LINGO2: variants seen among roughly 807,000 people sequenced by gnomAD.
LINGO2 encodes leucine-rich repeat and immunoglobulin-like domain-containing nogo receptor-interacting protein 2.
In LINGO2, 14 loss-of-function variants were observed where a neutral mutation model predicts 30.6. That is an observed-to-expected ratio of 0.46 (90% CI 0.30 to 0.72). LINGO2 has a LOEUF of 0.72. Among genes scored for constraint, LINGO2 ranks in the 30% least tolerant of loss-of-function variants. The pLI is 0.07. For missense variants in LINGO2, 729 were observed against 751.7 expected (o/e 0.97, Z 0.35); for synonymous variants, 317 against 288.5 (o/e 1.10, Z -1.00).
At chr9:28,108,565 C>G (rs1826668272) in intron 4 of LINGO2, among the ~76,000 whole-genome samples, 1 of 152,020 alleles carries the variant, frequency 6.6e-6, no homozygotes, top group South Asian at 2.1e-4. Context: ...AAAATATATT[C>G]TCAGGAGTGT....
chr9:28,386,756 C>T (rs1465893330), intron 2 of LINGO2, among the ~76,000 whole-genome samples: 1 of 151,940 alleles, frequency 6.6e-6, no homozygotes, highest in Non-Finnish European at 1.5e-5. Flanking sequence ...GTAGAGATTT[C>T]TTAGAATAAG....
chr9:28,044,976 C>T (rs1824351104), intron 4 of LINGO2, among the ~76,000 whole-genome samples: 1 of 152,010 alleles, frequency 6.6e-6, no homozygotes, highest in African/African-American at 2.4e-5. Flanking sequence ...AACAGTTTTC[C>T]TGACTCCCAT....
At chr9:28,840,793 C>T in the LINGO2 span, among the ~76,000 whole-genome samples, 1 of 151,828 alleles carries the variant, frequency 6.6e-6, no homozygotes, top group South Asian at 2.1e-4. Flanking sequence ...GTTTAAGATG[C>T]ATTGTAAGAT....
At chr9:28,402,844 C>G (rs56291601) in intron 2 of LINGO2, among the ~76,000 whole-genome samples, 86 of 152,108 alleles carry the variant, frequency 5.7e-4, no homozygotes, top group African/African-American at 2.0e-3. Context: ...CAGGATAGTT[C>G]CCAAACACCT....
chr9:28,322,756 C>G (rs1226222146), intron 3 of LINGO2, among the ~76,000 whole-genome samples: 2 of 152,100 alleles, frequency 1.3e-5, no homozygotes, highest in South Asian at 4.2e-4. Context: ...TATTTTCTCT[C>G]TAAATAAAAT....
chr9:28,406,029 A>G (rs1423605828), intron 2 of LINGO2, among the ~76,000 whole-genome samples: 1 of 152,168 alleles, frequency 6.6e-6, no homozygotes, highest in Non-Finnish European at 1.5e-5. Flanking sequence ...TCCTTCCTGC[A>G]CTACCAATGC....
chr9:29,044,371 T>C, the LINGO2 span, among the ~76,000 whole-genome samples: 1 of 152,022 alleles, frequency 6.6e-6, no homozygotes, highest in South Asian at 2.1e-4. Context: ...ACATATTCAT[T>C]AGTCTATAGC....
intron 1 of LINGO2, among the ~76,000 whole-genome samples, chr9:28,513,697 A>G (rs1279611237): frequency 2.0e-5 from 3 of 152,226 alleles, no homozygotes; most frequent in Non-Finnish European, 4.4e-5. Flanking sequence ...AAATTAACAT[A>G]GTAGTCTATT....
chr9:28,616,609 A>C (rs1826141411), intron 1 of LINGO2, among the ~76,000 whole-genome samples: 1 of 152,214 alleles, frequency 6.6e-6, no homozygotes, highest in Non-Finnish European at 1.5e-5. Flanking sequence ...CATCCTTTGC[A>C]CATATAGAAA....
At chr9:28,038,561 T>C (rs951698384) in intron 4 of LINGO2, among the ~76,000 whole-genome samples, 61 of 152,004 alleles carry the variant, frequency 4.0e-4, no homozygotes, top group South Asian at 1.7e-3. Flanking sequence ...GGCGTAGTGG[T>C]GGGCGCCTGT....
intron 1 of LINGO2, among the ~76,000 whole-genome samples, chr9:28,548,372 A>G (rs1017827109): frequency 3.9e-5 from 6 of 152,102 alleles, no homozygotes; most frequent in African/African-American, 1.2e-4. Context: ...AAATAAAAAC[A>G]AAAGTTGATA....
chr9:28,442,372 T>G (rs1824233216), intron 2 of LINGO2, among the ~76,000 whole-genome samples: 1 of 152,044 alleles, frequency 6.6e-6, no homozygotes, highest in Admixed American at 6.6e-5. Flanking sequence ...CATCATAATT[T>G]TTAACAATAA....
At chr9:28,178,668 G>C (rs1439101990) in intron 4 of LINGO2, among the ~76,000 whole-genome samples, 1 of 152,088 alleles carries the variant, frequency 6.6e-6, no homozygotes, top group African/African-American at 2.4e-5. Flanking sequence ...GGTTTCTTTA[G>C]ACTGTGCATT....
chr9:29,098,007 C>T, the LINGO2 span, among the ~76,000 whole-genome samples: 1 of 88,856 alleles, frequency 1.1e-5, no homozygotes, highest in Non-Finnish European at 2.4e-5. Flanking sequence ...AAATAAAATA[C>T]AGGGTTTTAT....
chr9:27,966,762 G>A (rs1403914301), intron 5 of LINGO2, among the ~76,000 whole-genome samples: 3 of 151,956 alleles, frequency 2.0e-5, no homozygotes, highest in Non-Finnish European at 4.4e-5. Flanking sequence ...AAATAAATAT[G>A]CGCCTCAACT....
At chr9:28,012,611 C>T (rs931470616) in intron 4 of LINGO2, among the ~76,000 whole-genome samples, 4 of 151,948 alleles carry the variant, frequency 2.6e-5, no homozygotes, top group African/African-American at 4.8e-5. Context: ...CTCCTTTTCT[C>T]ACCCTACTTC....
intron 4 of LINGO2, among the ~76,000 whole-genome samples, chr9:28,165,645 T>C (rs1828405975): frequency 6.6e-6 from 1 of 152,208 alleles, no homozygotes; most frequent in South Asian, 2.1e-4. Context: ...TTCGTCATAA[T>C]TGTTTTCCCT....
the LINGO2 span, among the ~76,000 whole-genome samples, chr9:29,111,704 A>G: frequency 6.6e-6 from 1 of 151,600 alleles, no homozygotes; most frequent in Non-Finnish European, 1.5e-5. Flanking sequence ...CTACCTATGC[A>G]GAATGACTAG....
intron 3 of LINGO2, among the ~76,000 whole-genome samples, chr9:28,367,013 C>T (rs1207344163): frequency 6.6e-6 from 1 of 152,110 alleles, no homozygotes; most frequent in Admixed American, 6.6e-5. Flanking sequence ...CGATTTCCCA[C>T]ATGGAATATA....
Sources: allele counts gnomAD v4.1 joint callset (sites outside exome capture counted in the v4.1 genomes callset), GRCh38; gene constraint gnomAD v4.1.1; transcripts MANE v1.5; gene names NCBI Gene and HGNC (gene_info 2026-07-23, HGNC 2026-07-21).